The following CNTN4 variants were observed in gnomAD, a reference collection of about 807,000 sequenced individuals.
CNTN4 encodes the protein contactin 4.
A neutral mutation model predicts 122.5 loss-of-function variants in CNTN4; 77 were observed. The observed-to-expected ratio is 0.63, with a 90% CI of 0.52 to 0.76. The LOEUF (loss-of-function observed/expected upper bound fraction) is 0.76. Among genes scored for constraint, CNTN4 ranks in the 30% least tolerant of loss-of-function variants. The pLI, the probability that CNTN4 is intolerant of heterozygous loss-of-function variation, is 0.00. For missense variants in CNTN4, 1,256 were observed against 1,259.1 expected, an observed-to-expected ratio of 1.00 and a Z score of 0.04; for synonymous variants, 512 against 447.0, an observed-to-expected ratio of 1.15 and a Z score of -1.83.
chr3:2,512,207 T>G (rs950174609), intron 3 of CNTN4, among the ~76,000 whole-genome samples: 2 of 152,168 alleles, frequency 1.3e-5, no homozygotes, highest in Non-Finnish European at 2.9e-5. Flanking sequence ...GTTTAGAAAC[T>G]TTGCCATGGA....
chr3:2,173,208 GAC>G (rs2036593683), intron 2 of CNTN4, among the ~76,000 whole-genome samples: 1 of 152,154 alleles, frequency 6.6e-6, no homozygotes, highest in Non-Finnish European at 1.5e-5. Context: ...TCCTAACGAG[GAC>G]ACAGTGATCA....
intron 3 of CNTN4, among the ~76,000 whole-genome samples, chr3:2,552,142 C>T (rs1363891016): frequency 6.6e-6 from 1 of 152,080 alleles, no homozygotes; most frequent in Admixed American, 6.6e-5. Context: ...AAAGGAGCAC[C>T]AAGCCTCACT....
At chr3:2,480,901 A>G (rs541437929) in intron 3 of CNTN4, among the ~76,000 whole-genome samples, 1 of 152,340 alleles carries the variant, frequency 6.6e-6, no homozygotes, top group Admixed American at 6.5e-5. Context: ...AGAACAGACA[A>G]ATAGATCAGA....
At chr3:2,739,856 T>G (rs2089355392) in intron 5 of CNTN4, among the ~76,000 whole-genome samples, 1 of 152,182 alleles carries the variant, frequency 6.6e-6, no homozygotes, top group Non-Finnish European at 1.5e-5. Context: ...AGAAAATATT[T>G]TAACAAGGTC....
intron 13 of CNTN4, among the ~76,000 whole-genome samples, chr3:2,983,493 A>T (rs2125234717): frequency 6.6e-6 from 1 of 152,244 alleles, no homozygotes; most frequent in South Asian, 2.1e-4. Context: ...TTAATAGAAC[A>T]TGTGGCTAAC....
At chr3:2,289,540 A>T (rs2042057432) in intron 2 of CNTN4, among the ~76,000 whole-genome samples, 1 of 152,220 alleles carries the variant, frequency 6.6e-6, no homozygotes, top group Non-Finnish European at 1.5e-5. Flanking sequence ...AGGGCTGAAG[A>T]CATCTGCTTT....
intron 16 of CNTN4, among the ~76,000 whole-genome samples, chr3:3,033,400 A>G (rs1338743722): frequency 6.6e-6 from 1 of 152,204 alleles, no homozygotes; most frequent in Non-Finnish European, 1.5e-5. Flanking sequence ...AGTGATTTTT[A>G]AAAAAGGAAA....
intron 14 of CNTN4, among the ~76,000 whole-genome samples, chr3:3,022,936 T>C (rs1574849424): frequency 2.0e-5 from 3 of 152,274 alleles, no homozygotes; most frequent in Admixed American, 2.0e-4. Context: ...CTAATTGCCT[T>C]TGAGAGTTCT....
intron 3 of CNTN4, among the ~76,000 whole-genome samples, chr3:2,348,125 C>A (rs1247182592): frequency 6.6e-6 from 1 of 152,102 alleles, no homozygotes. Flanking sequence ...ACAGCATTCC[C>A]CAAGAGTGGT....
chr3:2,107,999 T>C (rs1049942339), intron 2 of CNTN4, among the ~76,000 whole-genome samples: 1 of 152,070 alleles, frequency 6.6e-6, no homozygotes, highest in Non-Finnish European at 1.5e-5. Context: ...GAAATGGAGG[T>C]GAAATCACAT....
chr3:2,383,626 T>TCCCCCTCTCCCTCTCC (rs1381393981), intron 3 of CNTN4, among the ~76,000 whole-genome samples: 1 of 148,330 alleles, frequency 6.7e-6, no homozygotes, highest in African/African-American at 2.5e-5. Flanking sequence ...TCTCCCTCTC[T>TCCCCCTCTCCCTCTCC]CCCCCTCTCC....
At chr3:2,652,662 C>G (rs2083415133) in intron 4 of CNTN4, among the ~76,000 whole-genome samples, 1 of 151,752 alleles carries the variant, frequency 6.6e-6, no homozygotes, top group Admixed American at 6.6e-5. Context: ...GGGACTTGTC[C>G]AATGAGATGA....
intron 13 of CNTN4, among the ~76,000 whole-genome samples, chr3:2,979,065 G>T: frequency 6.6e-6 from 1 of 152,228 alleles, no homozygotes; most frequent in East Asian, 1.9e-4. Context: ...AGCAAAACGT[G>T]ATAGCTCTGG....
chr3:2,116,432 A>C (rs1313381153), intron 2 of CNTN4, among the ~76,000 whole-genome samples: 3 of 152,096 alleles, frequency 2.0e-5, no homozygotes, highest in Non-Finnish European at 2.9e-5. Context: ...AACACCTGGG[A>C]GCTTTGGAAG....
chr3:2,205,845 G>A (rs374934929), intron 2 of CNTN4, among the ~76,000 whole-genome samples: 1 of 152,036 alleles, frequency 6.6e-6, no homozygotes, highest in East Asian at 1.9e-4. Context: ...TCTGTAATGA[G>A]TGGATAAAAT....
At chr3:2,449,988 C>T (rs1270200512) in intron 3 of CNTN4, among the ~76,000 whole-genome samples, 1 of 152,122 alleles carries the variant, frequency 6.6e-6, no homozygotes, top group Non-Finnish European at 1.5e-5. Flanking sequence ...GACTGTCAGT[C>T]AGGCAAGATG....
At chr3:2,730,131 G>A (rs1173954832) in intron 4 of CNTN4, among the ~76,000 whole-genome samples, 1 of 152,022 alleles carries the variant, frequency 6.6e-6, no homozygotes, top group Non-Finnish European at 1.5e-5. Flanking sequence ...TTTTTTGTGG[G>A]GGGTGGCAGT....
chr3:2,925,602 ATAAT>A, intron 12 of CNTN4, 23 bp from the exon 13 acceptor site: 1 of 1,607,544 alleles, frequency 6.2e-7, no homozygotes, highest in African/African-American at 1.3e-5. Flanking sequence ...GTCTTGCATA[ATAAT>A]TATTTTTTGT....
chr3:2,464,611 T>C (rs1222572845), intron 3 of CNTN4, among the ~76,000 whole-genome samples: 2 of 152,108 alleles, frequency 1.3e-5, no homozygotes, highest in Admixed American at 1.3e-4. Context: ...GGGGACGAAT[T>C]AAAATGATAC....
Sources: allele counts gnomAD v4.1 joint callset (sites outside exome capture counted in the v4.1 genomes callset), GRCh38; gene constraint gnomAD v4.1.1; transcripts MANE v1.5; gene names NCBI Gene and HGNC (gene_info 2026-07-23, HGNC 2026-07-21).